Variants in EHBP1 observed in about 807,000 individuals in gnomAD.
The protein encoded by EHBP1 is EH domain binding protein 1.
In EHBP1, 55 loss-of-function variants were observed where a neutral mutation model predicts 144.0. That is an observed-to-expected ratio of 0.38 (90% CI 0.31 to 0.48). EHBP1 has a LOEUF of 0.48. Among genes scored for constraint, EHBP1 ranks in the 20% least tolerant of loss-of-function variants. The pLI is 0.98. For missense variants in EHBP1, 1,200 were observed against 1,364.2 expected (o/e 0.88, Z 1.90); for synonymous variants, 469 against 472.7 (o/e 0.99, Z 0.10).
intron 10 of EHBP1, among the ~76,000 whole-genome samples, chr2:62,919,168 C>T (rs1416915034): frequency 6.6e-6 from 1 of 152,198 alleles, no homozygotes; most frequent in Non-Finnish European, 1.5e-5. Context: ...ATTGCTGCCT[C>T]TGATACAGAA....
intron 2 of EHBP1, among the ~76,000 whole-genome samples, chr2:62,736,482 G>T (rs943032124): frequency 1.3e-5 from 2 of 151,912 alleles, no homozygotes; most frequent in African/African-American, 4.8e-5. Context: ...CCTTGGCCTC[G>T]CAAAGCGCTG....
chr2:62,977,648 C>T (rs779792216), intron 14 of EHBP1, among the ~76,000 whole-genome samples: 1 of 152,050 alleles, frequency 6.6e-6, no homozygotes, highest in Non-Finnish European at 1.5e-5. Context: ...TATTCTCCTG[C>T]TTGAAATGGT....
At chr2:63,001,887 C>T (rs1559050856) in intron 19 of EHBP1, among the ~76,000 whole-genome samples, 1 of 152,144 alleles carries the variant, frequency 6.6e-6, no homozygotes, top group South Asian at 2.1e-4. Flanking sequence ...TCTCTGGACA[C>T]TGTCATTACC....
intron 3 of EHBP1, among the ~76,000 whole-genome samples, chr2:62,748,522 T>A (rs2039370462): frequency 6.6e-6 from 1 of 151,966 alleles, no homozygotes; most frequent in African/African-American, 2.4e-5. Flanking sequence ...ATTAGCCAAG[T>A]GTGGTGATGC....
At chr2:62,795,681 A>G (rs1298935279) in intron 5 of EHBP1, among the ~76,000 whole-genome samples, 1 of 152,088 alleles carries the variant, frequency 6.6e-6, no homozygotes, top group Non-Finnish European at 1.5e-5. Context: ...TGAATAAATC[A>G]TAGATTAAAG....
chr2:62,986,370 C>T (rs1430281047), intron 15 of EHBP1, among the ~76,000 whole-genome samples: 1 of 151,468 alleles, frequency 6.6e-6, no homozygotes, highest in Non-Finnish European at 1.5e-5. Flanking sequence ...AAGCATTTAA[C>T]AATGTTTTTA....
At position 62,832,438 on chromosome 2, in the gene EHBP1, CT is replaced by C. The variant is rs202005406; in HGVS notation, c.634+1299del. Among the ~76,000 whole-genome samples the C allele has an allele frequency of 5.3e-3, 620 of 117,806 alleles. 1 individual carries two copies. Among genetic ancestry groups the C allele is most frequent in the South Asian group, 0.011 (39 of 3,472 alleles). 77.3% of individuals were successfully genotyped at this position (117,806 alleles called of 152,430 possible). A position where few individuals can be genotyped will look rare whatever the true frequency, so the allele number is the denominator to read the frequency against. On this transcript the variant is annotated intron_variant, in intron 7 of 22. Transcript: ENST00000431489. ...CTTCACAGATTTTTTTTTCTTTTTT[CT>C]TTTTTTTTTTTTTTTTTTACAAATT...
chr2:63,028,099 G>C (rs564445852), intron 19 of EHBP1, among the ~76,000 whole-genome samples: 7 of 152,184 alleles, frequency 4.6e-5, no homozygotes, highest in Admixed American at 4.6e-4. Context: ...TACTAAGAGA[G>C]TTGATTTTAA....
At chr2:62,958,427 C>T (rs534863813) in intron 14 of EHBP1, among the ~76,000 whole-genome samples, 1 of 152,220 alleles carries the variant, frequency 6.6e-6, no homozygotes, top group African/African-American at 2.4e-5. Flanking sequence ...GTAAATGAAT[C>T]TTGGAGATAT....
At chr2:62,990,583 G>A in intron 15 of EHBP1, 133 bp from the exon 16 acceptor site, 1 of 904,688 alleles carries the variant, frequency 1.1e-6, no homozygotes, top group South Asian at 1.9e-5. Context: ...TTTTTCATGT[G>A]TCTAATCTAC....
intron 2 of EHBP1, among the ~76,000 whole-genome samples, chr2:62,740,553 C>T (rs1049511104): frequency 5.3e-5 from 8 of 152,192 alleles, no homozygotes; most frequent in Admixed American, 3.9e-4. Context: ...TAAATATTCA[C>T]AGCATCCTAC....
Position 62,860,111 on chromosome 2 carries a change from T to C in EHBP1, c.757+820T>C, listed in dbSNP as rs555530839. ...TTTACCTTCTCCCTTCTTACCAGAC[T>C]CTAAATTATTAATAGTAAGTGTGTA... On this transcript the variant is annotated intron_variant, in intron 8 of 22. Transcript: ENST00000431489. 9.2e-5 allele frequency among the ~76,000 whole-genome samples: 14 copies of C among 152,330 alleles called. No individual in the cohort carries two copies. In the South Asian group the frequency reaches 2.9e-3, roughly 32 times the overall value.
chr2:62,708,897 G>A (rs1250318007), intron 2 of EHBP1, among the ~76,000 whole-genome samples: 2 of 152,128 alleles, frequency 1.3e-5, no homozygotes, highest in Admixed American at 6.5e-5. Flanking sequence ...GGTTTAAAGT[G>A]TAGGATTGGG....
chr2:62,696,508 CTTTTTTT>C (rs869081763), intron 1 of EHBP1, among the ~76,000 whole-genome samples: 3 of 76,782 alleles, frequency 3.9e-5, no homozygotes, highest in South Asian at 5.6e-4. Context: ...TTTTTTTCTT[CTTTTTTT>C]TTTTTTTTTT....
At chr2:62,828,529 T>C (rs1428801126) in intron 6 of EHBP1, among the ~76,000 whole-genome samples, 2 of 152,204 alleles carry the variant, frequency 1.3e-5, no homozygotes, top group Non-Finnish European at 2.9e-5. Flanking sequence ...AGGTTAGACT[T>C]TGTTTTTAAA....
intron 3 of EHBP1, among the ~76,000 whole-genome samples, chr2:62,757,129 A>G (rs2040358281): frequency 6.6e-6 from 1 of 152,142 alleles, no homozygotes; most frequent in African/African-American, 2.4e-5. Flanking sequence ...ACTGTTGGTC[A>G]GAAAATATAT....
At chr2:62,785,622 A>AGCC (rs2042750410) in intron 5 of EHBP1, among the ~76,000 whole-genome samples, 1 of 152,152 alleles carries the variant, frequency 6.6e-6, no homozygotes, top group South Asian at 2.1e-4. Context: ...GCAGTTGGAT[A>AGCC]TATCAGTGAT....
At chr2:62,922,939 C>T (rs1355138902) in intron 10 of EHBP1, among the ~76,000 whole-genome samples, 3 of 152,200 alleles carry the variant, frequency 2.0e-5, no homozygotes, top group Non-Finnish European at 4.4e-5. Context: ...ACAGGAGAAT[C>T]CCACAGTCTC....
chr2:62,831,922 A>G (rs1369748066), intron 7 of EHBP1, among the ~76,000 whole-genome samples: 2 of 152,100 alleles, frequency 1.3e-5, no homozygotes, highest in African/African-American at 2.4e-5. Flanking sequence ...AACTCTTGCT[A>G]TCATGTGGGG....
Sources: allele counts gnomAD v4.1 joint callset (sites outside exome capture counted in the v4.1 genomes callset), GRCh38; gene constraint gnomAD v4.1.1; transcripts MANE v1.5; gene names NCBI Gene and HGNC (gene_info 2026-07-23, HGNC 2026-07-21).